The following NCKAP5 variants were observed in gnomAD, a reference collection of about 807,000 sequenced individuals.
NCKAP5 encodes NCK associated protein 5.
NCKAP5 carries 92 observed loss-of-function variants against 167.0 expected under a neutral mutation model. That is an observed-to-expected ratio of 0.55 (90% confidence interval 0.47 to 0.66). The LOEUF is 0.66. NCKAP5 is among the 30% of genes least tolerant of loss of function. The pLI is 0.00. For missense variants in NCKAP5, 2,378 were observed against 2,315.0 expected, an observed-to-expected ratio of 1.03 and a Z score of -0.56; for synonymous variants, 891 against 877.4, an observed-to-expected ratio of 1.02 and a Z score of -0.27.
chr2:133,383,206 C>A (rs1026992935), intron 3 of NCKAP5, among the ~76,000 whole-genome samples: 3 of 152,042 alleles, frequency 2.0e-5, no homozygotes, highest in African/African-American at 7.2e-5. Context: ...CTAATGCTAT[C>A]CCTCCCCACT....
chr2:132,865,684 G>A (rs1690288567), intron 10 of NCKAP5, among the ~76,000 whole-genome samples: 1 of 152,114 alleles, frequency 6.6e-6, no homozygotes. Flanking sequence ...ACTGAACTAT[G>A]GGGGAGAAAA....
intron 6 of NCKAP5, among the ~76,000 whole-genome samples, chr2:133,035,585 T>C (rs190361530): frequency 6.6e-6 from 1 of 151,954 alleles, no homozygotes; most frequent in Admixed American, 6.6e-5. Context: ...GGAATAAAAC[T>C]TGAAATTAAT....
chr2:133,237,236 T>A (rs1244704556), intron 4 of NCKAP5, among the ~76,000 whole-genome samples: 1 of 152,200 alleles, frequency 6.6e-6, no homozygotes, highest in East Asian at 1.9e-4. Flanking sequence ...TAAGCAGAGA[T>A]AGATTTTTTA....
At chr2:133,283,951 A>G (rs901235530) in intron 4 of NCKAP5, among the ~76,000 whole-genome samples, 1 of 152,110 alleles carries the variant, frequency 6.6e-6, no homozygotes, top group Non-Finnish European at 1.5e-5. Context: ...TTTATAGATA[A>G]AGAATCCAGT....
At chr2:132,995,171 A>AT (rs1293540541) in intron 6 of NCKAP5, among the ~76,000 whole-genome samples, 4 of 152,196 alleles carry the variant, frequency 2.6e-5, no homozygotes, top group Non-Finnish European at 5.9e-5. Context: ...CACTAAATCT[A>AT]TAAAAAATAT....
chr2:133,617,245 G>C, the NCKAP5 span, among the ~76,000 whole-genome samples: 2 of 152,212 alleles, frequency 1.3e-5, no homozygotes, highest in Non-Finnish European at 2.9e-5. Context: ...ACTGGCACAA[G>C]ACAGGGATGC....
chr2:132,721,236 A>C (rs1275922349), intron 19 of NCKAP5, among the ~76,000 whole-genome samples: 1 of 152,186 alleles, frequency 6.6e-6, no homozygotes, highest in Non-Finnish European at 1.5e-5. Context: ...TCAACCCAAG[A>C]GACGGAGGTT....
At chr2:133,548,967 C>T (rs370755375) in intron 2 of NCKAP5, among the ~76,000 whole-genome samples, 1 of 151,704 alleles carries the variant, frequency 6.6e-6, no homozygotes, top group African/African-American at 2.4e-5. Flanking sequence ...CATCAGTGTG[C>T]TGTATTCAGG....
At position 132,743,652 on chromosome 2, in the gene NCKAP5, T is replaced by C. The variant is rs1186491262; in HGVS notation, c.5129-11601A>G. Reference sequence around the variant, plus strand: ...AAAGATGAGACAATCAGAAAATAAATAATTATATGGTAGATTTAAATCCAA... The same window carrying C: ...AAAGATGAGACAATCAGAAAATAAACAATTATATGGTAGATTTAAATCCAA... On this transcript the variant is annotated intron_variant, in intron 16 of 19. Coordinates refer to ENST00000409261, the MANE Select transcript of NCKAP5 (RefSeq NM_207363.3). 2.6e-5 allele frequency among the ~76,000 whole-genome samples: 4 copies of C among 151,706 alleles called. No individual in the cohort carries two copies. In the East Asian group the frequency reaches 7.7e-4, roughly 29 times the overall value.
chr2:133,664,971 C>A, the NCKAP5 span, among the ~76,000 whole-genome samples: 1 of 152,194 alleles, frequency 6.6e-6, no homozygotes, highest in East Asian at 1.9e-4. Flanking sequence ...AACATTTCTT[C>A]CACAGTTTTT....
intron 3 of NCKAP5, among the ~76,000 whole-genome samples, chr2:133,342,430 G>T (rs1464224000): frequency 1.3e-5 from 2 of 152,164 alleles, no homozygotes; most frequent in African/African-American, 4.8e-5. Context: ...TTAGAAGGCA[G>T]CAGGAGACAA....
At chr2:132,746,223 AGAAC>A (rs1679632087) in intron 16 of NCKAP5, among the ~76,000 whole-genome samples, 1 of 152,152 alleles carries the variant, frequency 6.6e-6, no homozygotes, top group Non-Finnish European at 1.5e-5. Context: ...TCAGTGGAAC[AGAAC>A]AGACATTCCG....
chr2:132,995,018 T>G (rs187178265), intron 6 of NCKAP5, among the ~76,000 whole-genome samples: 148 of 152,260 alleles, frequency 9.7e-4, no homozygotes, highest in African/African-American at 3.3e-3. Flanking sequence ...TGCACCTGTA[T>G]AGGCCACTTG....
chr2:133,262,639 C>T (rs936720263), intron 4 of NCKAP5, among the ~76,000 whole-genome samples: 19 of 152,184 alleles, frequency 1.2e-4, no homozygotes, highest in East Asian at 3.8e-4. Flanking sequence ...AAGCAATCCC[C>T]GTCGGGGCAA....
intron 11 of NCKAP5, among the ~76,000 whole-genome samples, chr2:132,823,697 C>T (rs60930704): frequency 0.076 from 11,597 of 152,110 alleles, 617 homozygotes; most frequent in East Asian, 0.2. Flanking sequence ...TAGAACAATA[C>T]CTCACATCTC....
At position 132,728,903 on chromosome 2, in the gene NCKAP5, T is replaced by C. The variant is rs367995765; in HGVS notation, c.5493A>G (p.Thr1831=). 2.5e-6 allele frequency: 4 copies of C among 1,614,014 alleles called. No individual in the cohort carries two copies. Among genetic ancestry groups the C allele is most frequent in the South Asian group, 1.1e-5 (1 of 91,084 alleles). Residue 1831 remains threonine, a synonymous_variant, in exon 18 of 20, where the codon ACA becomes ACG. Transcript: ENST00000409261. ...CTTCAGCATATCCGAATGATGAGCA[T>C]GTCTGAGGCCTTGGCTCTGCTTCAT... is the stretch of plus-strand genomic sequence containing the variant. ...KQNEAEPRPQ[T]CSSFGYAEDP...
rs113029262 is a variant in NCKAP5 at position 133,235,667 on chromosome 2, GC to G, written c.144-21889del. On this transcript the variant is annotated intron_variant, in intron 4 of 19. Coordinates refer to ENST00000409261, the MANE Select transcript of NCKAP5 (RefSeq NM_207363.3). ...GCCTGCAATCCCAGCATGTTGGGAG[GC>G]CGAGGTGGCATGGATCACCTGAGGT... Among the ~76,000 whole-genome samples the G allele has an allele frequency of 6.7e-3, 1,024 of 152,222 alleles. 8 individuals are homozygous for G. Among genetic ancestry groups the G allele is most frequent in the African/African-American group, 0.024 (979 of 41,536 alleles).
chr2:133,248,465 C>T (rs1253427103), intron 4 of NCKAP5, among the ~76,000 whole-genome samples: 1 of 152,178 alleles, frequency 6.6e-6, no homozygotes, highest in African/African-American at 2.4e-5. Context: ...GCAGTGTGCA[C>T]TAAACAGGGC....
intron 3 of NCKAP5, among the ~76,000 whole-genome samples, chr2:133,467,354 T>C (rs1236494685): frequency 1.3e-5 from 2 of 152,200 alleles, no homozygotes; most frequent in African/African-American, 4.8e-5. Flanking sequence ...ATCCCAGGGA[T>C]GAAGCCCACT....
Sources: allele counts gnomAD v4.1 joint callset (sites outside exome capture counted in the v4.1 genomes callset), GRCh38; gene constraint gnomAD v4.1.1; transcripts MANE v1.5; gene names NCBI Gene and HGNC (gene_info 2026-07-23, HGNC 2026-07-21).